The following AGBL4 variants were observed in gnomAD, a reference collection of about 807,000 sequenced individuals.
AGBL4 encodes AGBL carboxypeptidase 4.
A neutral mutation model predicts 66.4 loss-of-function variants in AGBL4; 58 were observed. That is an observed-to-expected ratio of 0.87 (90% CI 0.71 to 1.09). AGBL4 has a LOEUF of 1.09. AGBL4 is among the 50% of genes least tolerant of loss of function. The pLI is 0.00. For synonymous variants in AGBL4, 234 were observed against 222.9 expected (o/e 1.05, Z -0.44); for missense variants, 579 against 631.0 (o/e 0.92, Z 0.88).
chr1:48,743,684 G>T (rs1650286973), intron 6 of AGBL4, among the ~76,000 whole-genome samples: 2 of 152,204 alleles, frequency 1.3e-5, no homozygotes, highest in South Asian at 4.1e-4. Context: ...GTTAACTTAG[G>T]TAACAGATGA....
chr1:49,600,070 G>C (rs557064666), intron 3 of AGBL4, among the ~76,000 whole-genome samples: 2 of 152,300 alleles, frequency 1.3e-5, no homozygotes, highest in South Asian at 4.1e-4. Flanking sequence ...GTGGTGCTGA[G>C]AAGAATGTAT....
At chr1:49,966,971 G>A (rs1657616651) in intron 1 of AGBL4, among the ~76,000 whole-genome samples, 1 of 152,092 alleles carries the variant, frequency 6.6e-6, no homozygotes, top group Admixed American at 6.5e-5. Context: ...ATATACGTGT[G>A]CATGTGTCTT....
chr1:49,536,138 C>CT (rs1356212351), intron 3 of AGBL4, among the ~76,000 whole-genome samples: 1 of 152,124 alleles, frequency 6.6e-6, no homozygotes, highest in African/African-American at 2.4e-5. Context: ...TATTTCTACT[C>CT]TGAGTTCCTT....
At chr1:48,735,657 T>A (rs1295886627) in intron 6 of AGBL4, among the ~76,000 whole-genome samples, 2 of 152,040 alleles carry the variant, frequency 1.3e-5, no homozygotes, top group African/African-American at 4.8e-5. Flanking sequence ...CTCTCCCATA[T>A]ACCAGAAAGG....
intron 2 of AGBL4, among the ~76,000 whole-genome samples, chr1:49,743,379 C>A (rs1477632138): frequency 2.0e-5 from 3 of 152,078 alleles, no homozygotes; most frequent in Non-Finnish European, 2.9e-5. Context: ...GTTAGAATGG[C>A]CATCATTAAA....
chr1:49,985,439 G>A (rs1659419946), intron 1 of AGBL4, among the ~76,000 whole-genome samples: 1 of 152,106 alleles, frequency 6.6e-6, no homozygotes, highest in Non-Finnish European at 1.5e-5. Flanking sequence ...GATGGGTGTA[G>A]ACGATGGATG....
chr1:49,924,099 A>G (rs1244888906), intron 1 of AGBL4, among the ~76,000 whole-genome samples: 1 of 152,252 alleles, frequency 6.6e-6, no homozygotes, highest in Non-Finnish European at 1.5e-5. Flanking sequence ...CTGGATAAAG[A>G]AAATGTGGTA....
chr1:49,341,904 T>C (rs1645546846), intron 3 of AGBL4, among the ~76,000 whole-genome samples: 1 of 152,122 alleles, frequency 6.6e-6, no homozygotes, highest in Non-Finnish European at 1.5e-5. Context: ...CTCCTTTCCT[T>C]TTTCTAACCT....
chr1:49,049,189 C>T (rs920355318), intron 4 of AGBL4, among the ~76,000 whole-genome samples: 1 of 152,120 alleles, frequency 6.6e-6, no homozygotes, highest in Non-Finnish European at 1.5e-5. Context: ...ATGTTTTGTG[C>T]TCGATCTTTC....
intron 3 of AGBL4, among the ~76,000 whole-genome samples, chr1:49,539,779 A>T (rs552170356): frequency 6.6e-6 from 1 of 152,320 alleles, no homozygotes; most frequent in Non-Finnish European, 1.5e-5. Context: ...GGCTTGCCAG[A>T]AGAGGAGCCA....
intron 5 of AGBL4, 100 bp downstream of exon 5, chr1:49,045,484 C>A: frequency 2.2e-6 from 2 of 901,722 alleles, no homozygotes; most frequent in Non-Finnish European, 3.4e-6. Flanking sequence ...CTGGAAAGCA[C>A]CAGTATTCAT....
At chr1:48,616,343 T>C (rs1235243344) in intron 9 of AGBL4, among the ~76,000 whole-genome samples, 1 of 152,180 alleles carries the variant, frequency 6.6e-6, no homozygotes, top group Non-Finnish European at 1.5e-5. Context: ...AGAGCTCGTA[T>C]AACCTCTCCA....
chr1:49,528,762 T>C (rs1156241508), intron 3 of AGBL4, among the ~76,000 whole-genome samples: 1 of 151,792 alleles, frequency 6.6e-6, no homozygotes, highest in Admixed American at 6.6e-5. Flanking sequence ...AATTAGAAAG[T>C]AAGGGGAAGA....
In AGBL4 at chr1:48,841,422, G is replaced by C. The variant is rs560978244; in HGVS notation, c.634+25769C>G. 2.7e-5 allele frequency among the ~76,000 whole-genome samples: 3 copies of C among 109,816 alleles called. 1 individual carries two copies. In the South Asian group the frequency reaches 8.6e-4, roughly 32 times the overall value. The allele number at this position is 109,816 out of a possible 152,430, so 72.0% of individuals were successfully genotyped here. On this transcript the variant is annotated intron_variant, in intron 6 of 13. Coordinates refer to ENST00000371839, the MANE Select transcript of AGBL4 (RefSeq NM_032785.4). Reference sequence around the variant, plus strand: ...AAAACCCCCCCCCCCCAAAAAAAAAGAAGAGAGAGAAGGAGCAGGTTGTAG... The same window carrying C: ...AAAACCCCCCCCCCCCAAAAAAAAACAAGAGAGAGAAGGAGCAGGTTGTAG...
chr1:48,923,275 T>A (rs990655995), intron 5 of AGBL4, among the ~76,000 whole-genome samples: 1 of 152,152 alleles, frequency 6.6e-6, no homozygotes, highest in Non-Finnish European at 1.5e-5. Context: ...ACCCATGTCA[T>A]CTCCTTCTAA....
At chr1:49,579,794 C>T (rs1644507016) in intron 3 of AGBL4, among the ~76,000 whole-genome samples, 1 of 152,300 alleles carries the variant, frequency 6.6e-6, no homozygotes, top group South Asian at 2.1e-4. Context: ...CCACTGCACC[C>T]AGCCTAGAAT....
At chr1:48,777,202 G>GA (rs1158249589) in intron 6 of AGBL4, among the ~76,000 whole-genome samples, 5 of 152,146 alleles carry the variant, frequency 3.3e-5, no homozygotes, top group Admixed American at 2.0e-4. Context: ...AGCATTGCAG[G>GA]AAAAAAATGC....
At chr1:49,008,448 G>C (rs2149001274) in intron 5 of AGBL4, among the ~76,000 whole-genome samples, 1 of 149,460 alleles carries the variant, frequency 6.7e-6, no homozygotes, top group South Asian at 2.1e-4. Context: ...ACACCCCACT[G>C]TCAACATTAG....
chr1:49,841,743 T>A, intron 2 of AGBL4: 1 of 285,572 alleles, frequency 3.5e-6, no homozygotes, highest in Non-Finnish European at 6.7e-6. Flanking sequence ...AGGCATTCAG[T>A]TTTATAAGGG....
Sources: allele counts gnomAD v4.1 joint callset (sites outside exome capture counted in the v4.1 genomes callset), GRCh38; gene constraint gnomAD v4.1.1; transcripts MANE v1.5; gene names NCBI Gene and HGNC (gene_info 2026-07-23, HGNC 2026-07-21).